Variants in MUC4 observed in about 807,000 individuals in gnomAD.
The protein encoded by MUC4 is mucin 4, cell surface associated, also known as mucin-4.
MUC4 carries 202 observed loss-of-function variants against 257.9 expected under a neutral mutation model. The ratio of observed to expected loss-of-function variants is 0.78; its 90% CI spans 0.70 to 0.88. The LOEUF (loss-of-function observed/expected upper bound fraction) is 0.88. Among genes scored for constraint, MUC4 ranks in the 40% least tolerant of loss-of-function variants. The pLI is 0.00. For synonymous variants in MUC4, 2,351 were observed against 2,757.1 expected (o/e 0.85, Z 4.62); for missense variants, 5,976 against 6,513.7 (o/e 0.92, Z 2.84).
At chr3:195,797,100 A>AT (rs1374817296) in intron 1 of MUC4, among the ~76,000 whole-genome samples, 1 of 151,708 alleles carries the variant, frequency 6.6e-6, no homozygotes, top group African/African-American at 2.4e-5. Flanking sequence ...AAAAATTTGT[A>AT]TTTTTTTGGA....
intron 1 of MUC4, among the ~76,000 whole-genome samples, chr3:195,793,295 G>A (rs1398508290): frequency 1.3e-5 from 2 of 151,898 alleles, no homozygotes; most frequent in East Asian, 3.9e-4. Context: ...TCAGGAGTGC[G>A]AGACCAGCCT....
At chr3:195,800,277 C>CA (rs796281453) in intron 1 of MUC4, among the ~76,000 whole-genome samples, 6,216 of 140,940 alleles carry the variant, frequency 0.044, 325 homozygotes, top group African/African-American at 0.14. Flanking sequence ...GACTCCATCT[C>CA]AAAAAAAAAA....
At chr3:195,799,058 G>A (rs142018895) in intron 1 of MUC4, among the ~76,000 whole-genome samples, 344 of 152,274 alleles carry the variant, frequency 2.3e-3, no homozygotes, top group African/African-American at 7.8e-3. Flanking sequence ...CTGTTAAACA[G>A]GAGCAGGTCT....
chr3:195,799,415 T>C (rs943072781), intron 1 of MUC4, among the ~76,000 whole-genome samples: 20 of 152,172 alleles, frequency 1.3e-4, no homozygotes, highest in African/African-American at 4.6e-4. Context: ...ATTCTCCTGC[T>C]TCAGCCTCCC....
chr3:195,763,793 C>A, intron 11 of MUC4, 152 bp from the exon 12 acceptor site: 1 of 1,037,290 alleles, frequency 9.6e-7, no homozygotes, highest in Non-Finnish European at 1.4e-6. Context: ...GCGGACTCAG[C>A]TGGGGAGATG....
rs1484448091 is a variant in MUC4, at chr3:195,786,863, T to A, written c.4717A>T (p.Ser1573Cys). The A allele has an allele frequency of 2.6e-6, 4 of 1,528,930 alleles. No individual in the cohort carries two copies. The African/African-American group carries it at 6.0e-5, about 23-fold the overall frequency. 94.7% of individuals were successfully genotyped at this position (1,528,930 alleles called of 1,614,324 possible). A position where few individuals can be genotyped will look rare whatever the true frequency, so the allele number is the denominator to read the frequency against. Residue 1573 changes from serine to cysteine, a missense_variant, in exon 2 of 25, where the codon AGC (serine) becomes TGC (cysteine). By Grantham distance (112) the Ser-to-Cys change is moderately radical. Transcript: ENST00000463781. ...TGHTTPLPVT[S>C]PSSASTGHTT... ...TGACCTGTAGATGCTGAGGAAGGGCTGGTGACAGGAAGAGGGGTGGTGTGA... is the reference window on the plus strand; with the variant it reads ...TGACCTGTAGATGCTGAGGAAGGGCAGGTGACAGGAAGAGGGGTGGTGTGA...
chr3:195,764,765 C>T (rs1433143871), intron 10 of MUC4, among the ~76,000 whole-genome samples: 1 of 152,164 alleles, frequency 6.6e-6, no homozygotes, highest in Non-Finnish European at 1.5e-5. Context: ...GAAATGGCCC[C>T]ACTCTGGCCT....
In MUC4 at chr3:195,783,196, G is replaced by T. The variant is rs1216102288; in HGVS notation, c.8384C>A (p.Thr2795Lys). Residue 2795 changes from threonine (T) to lysine (K), a missense_variant, in exon 2 of 25, where the codon ACA (threonine) becomes AAA (lysine). Physicochemically the swap from Thr to Lys is moderately conservative, Grantham distance 78. Coordinates refer to ENST00000463781, the MANE Select transcript of MUC4 (RefSeq NM_018406.7). ...GACAGGAAGAGGGGTGGTGTGACCT[G>T]TGGATGCTGAGGAAGGGCTGGTGAC... is the stretch of plus-strand genomic sequence containing the variant. ...LHVTSPSSAS[T>K]GHTTPLPVTD... 2.2e-6 allele frequency: 3 copies of T among 1,368,858 alleles called. No homozygotes were observed. The South Asian group carries it at 3.7e-5, about 17-fold the overall frequency. The allele number at this position is 1,368,858 out of a possible 1,614,324, so 84.8% of individuals were successfully genotyped here.
chr3:195,766,895 A>T, intron 7 of MUC4, 144 bp from the exon 8 acceptor site: 2 of 691,350 alleles, frequency 2.9e-6, no homozygotes, highest in Non-Finnish European at 5.1e-6. Context: ...GCCAGCCCCC[A>T]TCGTCAAGCC....
Position 195,789,164 on chromosome 3 carries a change from AAGGGGT to A in MUC4, c.2410_2415del (p.Thr804_Pro805del). The stretch of plus-strand genomic sequence containing the variant: ...GTTGTGCCACTCGCCCCGGATGAGG[AAGGGGT>A]AGCTGTGCCCGCTGAGGTGGTTCGT... On this transcript the variant is annotated inframe_deletion, in exon 2 of 25. Transcript: ENST00000463781. The A allele has an allele frequency of 6.2e-7, 1 of 1,613,604 alleles. No individual in the cohort carries two copies. Among genetic ancestry groups the A allele is most frequent in the Non-Finnish European group, 8.5e-7 (1 of 1,179,802 alleles).
chr3:195,789,477 C>T lies in MUC4; in HGVS notation c.2103G>A (p.Gly701=). 6.2e-7 allele frequency: 1 copy of T among 1,613,964 alleles called. No homozygotes were observed. The highest frequency in any genetic ancestry group is 2.2e-5 in the East Asian group (1 of 44,884). Residue 701 remains glycine (G), a synonymous_variant, in exon 2 of 25, where the codon GGG becomes GGA. Transcript: ENST00000463781. Reference sequence around the variant, plus strand: ...TCGGGGCCTGGGTTGTGTGACCATCCCCGGTGGGAGCTGGGGCAAAGGTTG... The same window carrying T: ...TCGGGGCCTGGGTTGTGTGACCATCTCCGGTGGGAGCTGGGGCAAAGGTTG... The part of the protein sequence containing the change: ...AATTFAPAPT[G]DGHTTQAPTT...
Position 195,789,121 on chromosome 3 carries a change from C to T in MUC4, c.2459G>A (p.Gly820Glu). 6.2e-7 allele frequency: 1 copy of T among 1,613,500 alleles called. No homozygotes were observed. Among genetic ancestry groups the T allele is most frequent in the South Asian group, 1.1e-5 (1 of 91,032 alleles). ...ASGTTPSGSEGISTSGETTRF... is the reference protein window; with the variant it reads ...ASGTTPSGSEEISTSGETTRF... Reference sequence around the variant, plus strand: ...TGTCGTCTCTCCTGAGGTGGATATTCCTTCGCTTCCTGAAGGTGTTGTGCC... The same window carrying T: ...TGTCGTCTCTCCTGAGGTGGATATTTCTTCGCTTCCTGAAGGTGTTGTGCC... The change falls in exon 2 of 25, where the codon GGA becomes GAA. Residue 820 changes from glycine to glutamate, a missense_variant. This residue lies in a region of MUC4 where 1,583 missense variants were observed against 1,257.4 expected (regional missense o/e 1.26). Transcript: ENST00000463781.
At position 195,790,001 on chromosome 3, in the gene MUC4, C is replaced by T. The variant is rs1484602373; in HGVS notation, c.1579G>A (p.Gly527Ser). Residue 527 changes from glycine (G) to serine (S), a missense_variant, in exon 2 of 25, where the codon GGC becomes AGC. By Grantham distance (56) the Gly-to-Ser change is moderately conservative (BLOSUM62 0). Transcript: ENST00000463781. The stretch of plus-strand genomic sequence containing the variant: ...TTAGAGGGGACCCTTGGAATAGTGC[C>T]AGCTGTCCCTGTAGATGGATTTCCT... ...VTGNPSTGTAGTIPRVPSKVS... is the reference protein window; with the variant it reads ...VTGNPSTGTASTIPRVPSKVS... The T allele has an allele frequency of 1.9e-6, 3 of 1,613,986 alleles. No homozygotes were observed. In the East Asian group the frequency reaches 6.7e-5, roughly 36 times the overall value.
chr3:195,764,038 C>G lies in MUC4; in HGVS notation c.14044+7G>C, dbSNP rs201624504. Reference sequence around the variant, plus strand: ...GGCTCTTCCTGGGCCTGGGCCCTGTCGCTCACCGGGCTGTGGGGGCCTGTA... The same window carrying G: ...GGCTCTTCCTGGGCCTGGGCCCTGTGGCTCACCGGGCTGTGGGGGCCTGTA... On this transcript the variant is annotated splice_region_variant and intron_variant, in intron 11 of 24. Transcript: ENST00000463781. 4 of 1,607,982 alleles carry G rather than the reference C, an allele frequency of 2.5e-6. No homozygotes were observed. The East Asian group carries it at 6.7e-5, about 27-fold the overall frequency.
At chr3:195,749,630 A>C (rs2641723) in intron 23 of MUC4, among the ~76,000 whole-genome samples, 45,878 of 149,280 alleles carry the variant, frequency 0.31, 2,046 homozygotes, top group East Asian at 0.5. Context: ...GTATTTTAAA[A>C]TATGACACTA....
At chr3:195,760,359 G>A (rs916755929) in intron 16 of MUC4, among the ~76,000 whole-genome samples, 1 of 152,130 alleles carries the variant, frequency 6.6e-6, no homozygotes, top group African/African-American at 2.4e-5. Context: ...GGGAAGGAAG[G>A]GTATTCCAGG....
At chr3:195,767,597 CCAT>C (rs1258585661) in intron 7 of MUC4, among the ~76,000 whole-genome samples, 24 of 104,598 alleles carry the variant, frequency 2.3e-4, no homozygotes, top group African/African-American at 6.9e-4. Flanking sequence ...ACCACCACCA[CCAT>C]CATCACCATT....
At position 195,755,975 on chromosome 3, in the gene MUC4, A is replaced by G. The variant is rs896238427; in HGVS notation, c.15168+1172T>C. On this transcript the variant is annotated intron_variant, in intron 18 of 24. Transcript: ENST00000463781. This position sits in a 1 kb window ranked among gnomAD's most constrained non-coding sequence, Gnocchi z 5.0. ...CCTTTACAACCAAAAATAAAAATAA[A>G]AAAGCAGATAGGACAAGAGTCGTGG... 6.6e-6 allele frequency among the ~76,000 whole-genome samples: 1 copy of G among 152,232 alleles called. No individual in the cohort carries two copies. Among genetic ancestry groups the G allele is most frequent in the African/African-American group, 2.4e-5 (1 of 41,456 alleles).
In MUC4 at chr3:195,788,922, T is replaced by A; in HGVS notation, c.2658A>T (p.Thr886=). 1 of 1,613,636 alleles carries A rather than the reference T, an allele frequency of 6.2e-7. No individual in the cohort carries two copies. The highest frequency in any genetic ancestry group is 8.5e-7 in the Non-Finnish European group (1 of 1,179,746). The change falls in exon 2 of 25, where the codon ACA becomes ACT. Residue 886 remains threonine (T), a synonymous_variant. Coordinates refer to ENST00000463781, the MANE Select transcript of MUC4 (RefSeq NM_018406.7). The part of the protein sequence containing the change: ...LSEASTAGRP[T]GQSSPTSPSA... ...TGGGAGAAGTTGGGCTTGACTGTCC[T>A]GTCGGTCTCCCTGCAGTGGAGGCCT...
Sources: gnomAD v4.1 joint callset for allele counts (sites outside exome capture counted in the v4.1 genomes callset) on GRCh38, gnomAD v4.1.1 for gene constraint, gnomAD v4.1.1 regional missense constraint, Gnocchi (gnomAD v3.1) non-coding constraint, MANE v1.5 for transcripts, NCBI Gene and HGNC (gene_info 2026-07-23, HGNC 2026-07-21) for gene names.